Variants in ELMO1 observed in about 807,000 individuals in gnomAD.
The protein encoded by ELMO1 is engulfment and cell motility protein 1.
ELMO1 carries 26 observed loss-of-function variants against 98.9 expected under a neutral mutation model. The observed-to-expected ratio is 0.26, with a 90% CI of 0.19 to 0.36. The LOEUF (loss-of-function observed/expected upper bound fraction) is 0.36, where lower values mean the gene tolerates loss of function less well. ELMO1 is among the 10% of genes least tolerant of loss of function. ELMO1 has a pLI of 1.00. For synonymous variants in ELMO1, 346 were observed against 346.0 expected (o/e 1.00, Z 0.00); for missense variants, 627 against 935.2 (o/e 0.67, Z 4.30).
chr7:37,437,691 C>T lies in ELMO1; in HGVS notation c.-74+10984G>A, dbSNP rs549422989. Among the ~76,000 whole-genome samples the T allele has an allele frequency of 1.8e-4, 2 of 10,902 alleles. 1 individual carries two copies. The highest frequency in any genetic ancestry group is 5.0e-4 in the Non-Finnish European group (2 of 3,966). 7.2% of individuals were successfully genotyped at this position (10,902 alleles called of 152,430 possible). ...AGCTGTTTTGAAATATACAATAGGC[C>T]GGGCGCGGTGGCTCACGCCTGTAAT... On this transcript the variant is annotated intron_variant, in intron 1 of 21. Transcript: ENST00000310758.
intron 1 of ELMO1, among the ~76,000 whole-genome samples, chr7:37,401,869 G>T (rs1803552541): frequency 6.6e-6 from 1 of 152,212 alleles, no homozygotes; most frequent in Non-Finnish European, 1.5e-5. Flanking sequence ...AAGGAAAGGA[G>T]TTGAAGACAT....
intron 5 of ELMO1, chr7:37,269,345 T>C (rs1796434354): frequency 6.6e-6 from 1 of 152,122 alleles, no homozygotes; most frequent in Non-Finnish European, 1.5e-5. Flanking sequence ...GACATCAGCA[T>C]TTTCAAACTT....
chr7:37,068,950 AT>A (rs1797127598), intron 15 of ELMO1, among the ~76,000 whole-genome samples: 1 of 152,238 alleles, frequency 6.6e-6, no homozygotes, highest in Admixed American at 6.5e-5. Context: ...TTAAGTGACA[AT>A]TCTACATGTG....
At chr7:36,890,888 CT>C (rs1294061355) in intron 17 of ELMO1, among the ~76,000 whole-genome samples, 3 of 152,198 alleles carry the variant, frequency 2.0e-5, no homozygotes, top group Non-Finnish European at 4.4e-5. Context: ...CTCTCTCCCC[CT>C]CAGTTATTCT....
At chr7:36,998,272 G>A (rs1792367219) in intron 16 of ELMO1, among the ~76,000 whole-genome samples, 2 of 152,110 alleles carry the variant, frequency 1.3e-5, no homozygotes, top group African/African-American at 4.8e-5. Context: ...ACAACTCAAC[G>A]ACTCCTCTCA....
At chr7:37,288,259 T>C (rs1797500088) in intron 4 of ELMO1, among the ~76,000 whole-genome samples, 1 of 149,208 alleles carries the variant, frequency 6.7e-6, no homozygotes, top group Non-Finnish European at 1.5e-5. Flanking sequence ...AGTTTCACTC[T>C]TGTTCCCCAG....
intron 11 of ELMO1, among the ~76,000 whole-genome samples, chr7:37,215,655 A>G (rs1793235963): frequency 1.3e-5 from 2 of 152,112 alleles, no homozygotes; most frequent in Non-Finnish European, 2.9e-5. Context: ...CCAATCCTAA[A>G]CCTGCTCAGC....
chr7:36,911,396 A>G (rs1221456336), intron 16 of ELMO1, among the ~76,000 whole-genome samples: 1 of 152,232 alleles, frequency 6.6e-6, no homozygotes, highest in Non-Finnish European at 1.5e-5. Context: ...TAAATACTAT[A>G]TGGGGCCATA....
At chr7:37,431,195 G>T (rs1047936462) in intron 1 of ELMO1, among the ~76,000 whole-genome samples, 1 of 152,044 alleles carries the variant, frequency 6.6e-6, no homozygotes, top group East Asian at 1.9e-4. Context: ...AGATTAGCCC[G>T]GCATGGTGGT....
At chr7:37,118,020 C>T (rs1176896630) in intron 14 of ELMO1, among the ~76,000 whole-genome samples, 1 of 152,194 alleles carries the variant, frequency 6.6e-6, no homozygotes, top group Non-Finnish European at 1.5e-5. Flanking sequence ...TCTGTCAGCA[C>T]AATGGGAACA....
chr7:37,097,276 G>A (rs1784411014), intron 14 of ELMO1, among the ~76,000 whole-genome samples: 2 of 152,176 alleles, frequency 1.3e-5, no homozygotes, highest in Admixed American at 6.5e-5. Context: ...GGTGATTCAC[G>A]TCTGTAATCC....
chr7:37,079,116 G>A (rs1014185987), intron 15 of ELMO1, among the ~76,000 whole-genome samples: 2 of 152,170 alleles, frequency 1.3e-5, no homozygotes, highest in African/African-American at 4.8e-5. Context: ...TGTAAAGACA[G>A]AGATATAGGT....
intron 4 of ELMO1, among the ~76,000 whole-genome samples, chr7:37,291,772 A>G (rs1019938076): frequency 4.6e-5 from 7 of 152,098 alleles, no homozygotes; most frequent in Non-Finnish European, 1.0e-4. Flanking sequence ...AAAATTAGCC[A>G]GGTGTGGGGG....
At chr7:37,395,253 G>C (rs1803246122) in intron 1 of ELMO1, among the ~76,000 whole-genome samples, 1 of 150,944 alleles carries the variant, frequency 6.6e-6, no homozygotes, top group African/African-American at 2.4e-5. Flanking sequence ...TGTAATCCCG[G>C]CTACTCAGGA....
rs1164479628 is a variant in ELMO1 at position 37,147,378 on chromosome 7, A to T, written c.1087-14144T>A. Among the ~76,000 whole-genome samples the T allele has an allele frequency of 3.3e-5, 5 of 151,952 alleles. 1 individual carries two copies. The Middle Eastern group carries it at 0.01, about 310-fold the overall frequency. ...CTCATCTCTCTCATTCCATTCACCC[A>T]CCTGCTACCTCCTGGTCCCAGCCTT... On this transcript the variant is annotated intron_variant, in intron 13 of 21. Coordinates refer to ENST00000310758, the MANE Select transcript of ELMO1 (RefSeq NM_014800.11).
chr7:36,910,001 T>G (rs892965435), intron 16 of ELMO1, among the ~76,000 whole-genome samples: 1 of 152,206 alleles, frequency 6.6e-6, no homozygotes. Flanking sequence ...TTGCCCCTTC[T>G]TCTGCGTAAG....
In ELMO1 at chr7:37,013,348, A is replaced by T; in HGVS notation, c.1388T>A (p.Leu463Gln). The T allele has an allele frequency of 6.2e-7, 1 of 1,614,162 alleles. No individual in the cohort carries two copies. Among genetic ancestry groups the T allele is most frequent in the Non-Finnish European group, 8.5e-7 (1 of 1,180,016 alleles). ...EEFFCICIQL[L>Q]NKTWKEMRAT... ...CCTCATTTCCTTCCATGTCTTGTTCAGGAGCTGGATACAGATGCAGAAAAA... is the reference window on the plus strand; with the variant it reads ...CCTCATTTCCTTCCATGTCTTGTTCTGGAGCTGGATACAGATGCAGAAAAA... Residue 463 changes from leucine (L) to glutamine (Q), a missense_variant, in exon 16 of 22, where the codon CTG (leucine) becomes CAG (glutamine). Coordinates refer to ENST00000310758, the MANE Select transcript of ELMO1 (RefSeq NM_014800.11).
In ELMO1 at chr7:36,859,150, T is replaced by C. The variant is rs75507731; in HGVS notation, c.1983+2509A>G. Among the ~76,000 whole-genome samples, 1,392 of 152,214 alleles carry C rather than the reference T, an allele frequency of 9.1e-3. 22 individuals carry two copies. The highest frequency in any genetic ancestry group is 0.032 in the African/African-American group (1,318 of 41,524). ...TAGATTCAGAGAAACCTAGGAAACA[T>C]GTCAACCAACTGCAATGCATGGATC... On this transcript the variant is annotated intron_variant, in intron 21 of 21. Transcript: ENST00000310758.
At chr7:36,961,603 T>C (rs562697219) in intron 16 of ELMO1, among the ~76,000 whole-genome samples, 10 of 152,354 alleles carry the variant, frequency 6.6e-5, no homozygotes, top group South Asian at 2.1e-4. Flanking sequence ...CACCATTAAT[T>C]GAATGGAAAC....
Sources: gnomAD v4.1 joint callset for allele counts (sites outside exome capture counted in the v4.1 genomes callset) on GRCh38, gnomAD v4.1.1 for gene constraint, MANE v1.5 for transcripts, NCBI Gene and HGNC (gene_info 2026-07-23, HGNC 2026-07-21) for gene names.